The following GRIN2A variants were observed in gnomAD, a reference collection of about 807,000 sequenced individuals.
GRIN2A encodes glutamate receptor ionotropic, NMDA 2A.
A neutral mutation model predicts 113.4 loss-of-function variants in GRIN2A; 22 were observed. The ratio of observed to expected loss-of-function variants is 0.19; its 90% CI spans 0.14 to 0.28. The LOEUF is 0.28. GRIN2A is among the 10% of genes least tolerant of loss of function. The probability of loss-of-function intolerance (pLI) is 1.00; values close to 1 mark genes in which losing one functional copy is unlikely to be tolerated. For missense variants in GRIN2A, 1,502 were observed against 1,887.0 expected, an observed-to-expected ratio of 0.80 and a Z score of 3.78; for synonymous variants, 827 against 738.4, an observed-to-expected ratio of 1.12 and a Z score of -1.94.
chr16:9,936,041 C>G (rs1279959020), intron 3 of GRIN2A, among the ~76,000 whole-genome samples: 1 of 152,150 alleles, frequency 6.6e-6, no homozygotes, highest in Non-Finnish European at 1.5e-5. Flanking sequence ...CTTCACTGAT[C>G]ACTCTGGAAG....
chr16:10,016,480 C>T (rs1415888468), intron 2 of GRIN2A, among the ~76,000 whole-genome samples: 1 of 152,074 alleles, frequency 6.6e-6, no homozygotes, highest in African/African-American at 2.4e-5. Flanking sequence ...GCTGCAGCCT[C>T]TTGCCAACCA....
chr16:10,077,416 C>G (rs960305954), intron 2 of GRIN2A, among the ~76,000 whole-genome samples: 2 of 152,150 alleles, frequency 1.3e-5, no homozygotes, highest in Non-Finnish European at 2.9e-5. Context: ...TCCTCTTTCT[C>G]TCATTCTGCA....
intron 10 of GRIN2A, among the ~76,000 whole-genome samples, chr16:9,815,413 C>CAAAA (rs71157786): frequency 1.1e-4 from 12 of 111,918 alleles, no homozygotes; most frequent in African/African-American, 3.4e-4. Context: ...TAACAACAAC[C>CAAAA]AAAAAAAAAA....
intron 2 of GRIN2A, among the ~76,000 whole-genome samples, chr16:10,054,858 T>C (rs1259661837): frequency 6.6e-6 from 1 of 151,242 alleles, no homozygotes; most frequent in East Asian, 1.9e-4. Flanking sequence ...CCATCCTGGC[T>C]AATATGGTAA....
chr16:9,821,066 C>T (rs2141291862), intron 10 of GRIN2A, among the ~76,000 whole-genome samples: 1 of 152,148 alleles, frequency 6.6e-6, no homozygotes, highest in African/African-American at 2.4e-5. Flanking sequence ...TTAGAGGGGC[C>T]TCTGTCTCCC....
intron 3 of GRIN2A, among the ~76,000 whole-genome samples, chr16:9,930,205 AG>A (rs1269081758): frequency 1.3e-5 from 2 of 152,284 alleles, no homozygotes; most frequent in Non-Finnish European, 2.9e-5. Context: ...AGTCCAGGAG[AG>A]GAGGAGAATT....
intron 2 of GRIN2A, among the ~76,000 whole-genome samples, chr16:10,141,063 A>G: frequency 6.6e-6 from 1 of 152,098 alleles, no homozygotes. Flanking sequence ...GCATGGTGGT[A>G]TGCACCTGTA....
At chr16:10,084,071 A>C (rs531557592) in intron 2 of GRIN2A, among the ~76,000 whole-genome samples, 2 of 152,332 alleles carry the variant, frequency 1.3e-5, no homozygotes, top group East Asian at 3.9e-4. Flanking sequence ...ACTGCACTCC[A>C]GCCTGGACAA....
Position 9,757,921 on chromosome 16 carries a change from C to T in GRIN2A, c.*5228G>A, listed in dbSNP as rs1346278507. ...AAAACCAGGGCAGCCTTATGGGGAT[C>T]TCTGGCTCTTATTCCAGAGCTACTC... On this transcript the variant is annotated 3_prime_UTR_variant, in exon 13 of 13. Coordinates refer to ENST00000330684, the MANE Select transcript of GRIN2A (RefSeq NM_001134407.3). 2 of 224,208 alleles carry T rather than the reference C, an allele frequency of 8.9e-6. No individual in the cohort carries two copies. Among genetic ancestry groups the T allele is most frequent in the Non-Finnish European group, 1.8e-5 (2 of 112,328 alleles). The allele number at this position is 224,208 out of a possible 1,614,324, so 13.9% of individuals were successfully genotyped here.
At chr16:9,874,931 C>CA (rs529476828) in intron 4 of GRIN2A, among the ~76,000 whole-genome samples, 89 of 151,730 alleles carry the variant, frequency 5.9e-4, no homozygotes, top group African/African-American at 2.0e-3. Flanking sequence ...ACAAAACATA[C>CA]AAAAAAATTA....
intron 2 of GRIN2A, among the ~76,000 whole-genome samples, chr16:9,954,516 A>G (rs2045260591): frequency 3.3e-5 from 5 of 152,130 alleles, no homozygotes; most frequent in South Asian, 4.1e-4. Flanking sequence ...TCAAGACACT[A>G]TATCTGATGG....
At chr16:10,060,264 G>C (rs554830427) in intron 2 of GRIN2A, among the ~76,000 whole-genome samples, 1 of 152,214 alleles carries the variant, frequency 6.6e-6, no homozygotes, top group African/African-American at 2.4e-5. Flanking sequence ...CTCTATACTA[G>C]AAAGAGAAGG....
chr16:9,862,563 C>G (rs72781991), intron 4 of GRIN2A, among the ~76,000 whole-genome samples: 11,152 of 152,228 alleles, frequency 0.073, 668 homozygotes, highest in Non-Finnish European at 0.1. Flanking sequence ...GAACAAAGAG[C>G]CATCATTTTC....
intron 9 of GRIN2A, among the ~76,000 whole-genome samples, chr16:9,824,605 C>A (rs2042352204): frequency 1.3e-5 from 2 of 152,276 alleles, no homozygotes; most frequent in East Asian, 1.9e-4. Context: ...ATAGTACCAT[C>A]ACCCACACAA....
intron 10 of GRIN2A, among the ~76,000 whole-genome samples, chr16:9,819,271 G>T (rs2042238336): frequency 6.6e-6 from 1 of 152,084 alleles, no homozygotes; most frequent in African/African-American, 2.4e-5. Context: ...TGTAATCCCA[G>T]CACTTTGAGA....
Position 9,883,265 on chromosome 16 carries a change from G to T in GRIN2A, c.1122+7721C>A, listed in dbSNP as rs145798818. On this transcript the variant is annotated intron_variant, in intron 4 of 12. Coordinates refer to ENST00000330684, the MANE Select transcript of GRIN2A (RefSeq NM_001134407.3). ...TTAATAAATGGCAGCTGAAGTCGTC[G>T]ATACCAACAGATCATAGAGGGGTCC... is the stretch of plus-strand genomic sequence containing the variant. Among the ~76,000 whole-genome samples, 587 of 152,284 alleles carry T rather than the reference G, an allele frequency of 3.9e-3. 2 individuals are homozygous for T. Among genetic ancestry groups the T allele is most frequent in the African/African-American group, 0.014 (561 of 41,544 alleles).
Position 9,938,519 on chromosome 16 carries a change from C to T in GRIN2A, c.447G>A (p.Ala149=), listed in dbSNP as rs144464666. 7.1e-5 allele frequency: 115 copies of T among 1,608,604 alleles called. No individual in the cohort carries two copies. Among genetic ancestry groups the T allele is most frequent in the Middle Eastern group, 1.6e-4 (1 of 6,062 alleles). Residue 149 remains alanine, a synonymous_variant, in exon 3 of 13, where the codon GCG becomes GCA. Coordinates refer to ENST00000330684, the MANE Select transcript of GRIN2A (RefSeq NM_001134407.3). ...TGACCGTGGCTTGCTGCTGGATGGA[C>T]GCTCCAAACTGGAAGAAGGTAGACG... ...DPTSTFFQFG[A]SIQQQATVML... is the part of the protein sequence containing the mutation.
At chr16:10,138,453 T>C (rs968538265) in intron 2 of GRIN2A, among the ~76,000 whole-genome samples, 2 of 152,050 alleles carry the variant, frequency 1.3e-5, no homozygotes, top group African/African-American at 4.8e-5. Context: ...AGGATGGGGA[T>C]GGGTAGAAAA....
intron 2 of GRIN2A, among the ~76,000 whole-genome samples, chr16:10,109,430 T>C (rs2048566935): frequency 6.6e-6 from 1 of 152,056 alleles, no homozygotes; most frequent in Non-Finnish European, 1.5e-5. Flanking sequence ...ATGAGGATAG[T>C]ATTACCCTGA....
Sources: gnomAD v4.1 joint callset for allele counts (sites outside exome capture counted in the v4.1 genomes callset) on GRCh38, gnomAD v4.1.1 for gene constraint, MANE v1.5 for transcripts, NCBI Gene and HGNC (gene_info 2026-07-23, HGNC 2026-07-21) for gene names.